PPP2R2B: variants seen among roughly 807,000 people sequenced by gnomAD.
PPP2R2B encodes serine/threonine-protein phosphatase 2A 55 kDa regulatory subunit B beta isoform.
PPP2R2B carries 5 observed loss-of-function variants against 46.0 expected under a neutral mutation model. That is an observed-to-expected ratio of 0.11 (90% CI 0.06 to 0.23). PPP2R2B has a LOEUF of 0.23. PPP2R2B is among the 10% of genes least tolerant of loss of function. The probability of loss-of-function intolerance (pLI) is 1.00; values close to 1 mark genes in which losing one functional copy is unlikely to be tolerated. For synonymous variants in PPP2R2B, 215 were observed against 206.7 expected (o/e 1.04, Z -0.34); for missense variants, 367 against 575.0 (o/e 0.64, Z 3.70).
chr5:146,735,092 C>T (rs1006916296), intron 2 of PPP2R2B, among the ~76,000 whole-genome samples: 15 of 152,226 alleles, frequency 9.9e-5, no homozygotes, highest in South Asian at 4.2e-4. Flanking sequence ...CTAGGAACCG[C>T]GATCTTTTTT....
chr5:146,887,686 C>T (rs889915098), intron 1 of PPP2R2B, among the ~76,000 whole-genome samples: 2 of 152,168 alleles, frequency 1.3e-5, no homozygotes, highest in African/African-American at 4.8e-5. Flanking sequence ...CCTAATAGGT[C>T]AACCATTTAG....
intron 2 of PPP2R2B, among the ~76,000 whole-genome samples, chr5:146,808,852 A>C (rs11748210): frequency 0.57 from 87,247 of 152,056 alleles, 25,558 homozygotes; most frequent in Non-Finnish European, 0.64. Flanking sequence ...GTTTGCAATC[A>C]ACATTTATCT....
chr5:146,687,541 T>C (rs1302749949), intron 5 of PPP2R2B, among the ~76,000 whole-genome samples: 1 of 152,180 alleles, frequency 6.6e-6, no homozygotes, highest in African/African-American at 2.4e-5. Context: ...GCCCTCCTCA[T>C]TGGCTATTCT....
intron 1 of PPP2R2B, among the ~76,000 whole-genome samples, chr5:146,984,298 T>C (rs1753320716): frequency 6.6e-6 from 1 of 152,192 alleles, no homozygotes; most frequent in African/African-American, 2.4e-5. Flanking sequence ...TCTGCTTCTA[T>C]GGGTTTGATC....
chr5:147,012,772 A>G (rs1754804838), intron 1 of PPP2R2B, among the ~76,000 whole-genome samples: 1 of 151,650 alleles, frequency 6.6e-6, no homozygotes, highest in Non-Finnish European at 1.5e-5. Flanking sequence ...AGATTCTGGT[A>G]TGTTGTGTCT....
intron 8 of PPP2R2B, among the ~76,000 whole-genome samples, 200 bp downstream of exon 8, chr5:146,600,091 C>T (rs2151016351): frequency 6.6e-6 from 1 of 152,322 alleles, no homozygotes; most frequent in African/African-American, 2.4e-5. Context: ...CTGTCCATAT[C>T]AATTAAATTG....
At chr5:146,954,030 G>A (rs1373360114) in intron 1 of PPP2R2B, among the ~76,000 whole-genome samples, 1 of 152,078 alleles carries the variant, frequency 6.6e-6, no homozygotes, top group Non-Finnish European at 1.5e-5. Context: ...GACTTGGGGG[G>A]CAGGTGTGCA....
chr5:146,739,450 A>G (rs942863075), intron 2 of PPP2R2B, among the ~76,000 whole-genome samples: 1 of 152,186 alleles, frequency 6.6e-6, no homozygotes, highest in Non-Finnish European at 1.5e-5. Context: ...AAAGAATGCC[A>G]GGGGTGGGGG....
intron 2 of PPP2R2B, among the ~76,000 whole-genome samples, chr5:146,756,302 C>T (rs187661274): frequency 1.3e-5 from 2 of 152,268 alleles, no homozygotes; most frequent in Admixed American, 6.5e-5. Context: ...ATTATCCTTT[C>T]TGATGAGGGG....
chr5:146,988,169 G>A (rs1753520097), intron 1 of PPP2R2B, among the ~76,000 whole-genome samples: 1 of 151,860 alleles, frequency 6.6e-6, no homozygotes, highest in South Asian at 2.1e-4. Context: ...TACAATAATA[G>A]TAGGAGAGTT....
chr5:146,608,645 A>G (rs1772539214), intron 7 of PPP2R2B, among the ~76,000 whole-genome samples: 1 of 152,152 alleles, frequency 6.6e-6, no homozygotes, highest in East Asian at 1.9e-4. Context: ...AAATACAAAA[A>G]TTAGCTGGGC....
At chr5:146,804,465 C>T (rs1261459724) in intron 2 of PPP2R2B, among the ~76,000 whole-genome samples, 2 of 152,140 alleles carry the variant, frequency 1.3e-5, no homozygotes, top group Non-Finnish European at 2.9e-5. Flanking sequence ...CCTCCATCCC[C>T]TCTAACCCTG....
At chr5:146,860,587 C>G (rs1353565206) in intron 2 of PPP2R2B, among the ~76,000 whole-genome samples, 1 of 152,212 alleles carries the variant, frequency 6.6e-6, no homozygotes, top group East Asian at 1.9e-4. Context: ...ATGCAGACCT[C>G]TCCAGTAGGT....
At chr5:146,746,971 A>G (rs1753231927) in intron 2 of PPP2R2B, among the ~76,000 whole-genome samples, 2 of 152,134 alleles carry the variant, frequency 1.3e-5, no homozygotes, top group East Asian at 1.9e-4. Flanking sequence ...TTTCTATAAC[A>G]TCGTGCTGCA....
chr5:147,074,147 T>A (rs1223987986), intron 2 of PPP2R2B, among the ~76,000 whole-genome samples: 1 of 152,168 alleles, frequency 6.6e-6, no homozygotes, highest in African/African-American at 2.4e-5. Context: ...GTAATATACA[T>A]TTTAACACCA....
chr5:146,740,934 G>C (rs1422656008), intron 2 of PPP2R2B, among the ~76,000 whole-genome samples: 1 of 151,820 alleles, frequency 6.6e-6, no homozygotes, highest in Non-Finnish European at 1.5e-5. Context: ...CTACTCAGGA[G>C]ACTGAGGCAG....
rs372507515 is a variant in PPP2R2B at position 146,951,340 on chromosome 5, C to T, written c.79+104325G>A. Among the ~76,000 whole-genome samples the T allele has an allele frequency of 4.6e-5, 7 of 151,620 alleles. No individual in the cohort carries two copies. In the Admixed American group the frequency reaches 4.6e-4, roughly 10 times the overall value. ...ACATTTCCATTCCCCGTTTAAAGTT[C>T]CTCATGCCTTTTTTTTTTAAAAATT... On this transcript the variant is annotated intron_variant, in intron 1 of 8. Transcript: ENST00000336640.
intron 2 of PPP2R2B, among the ~76,000 whole-genome samples, chr5:146,850,424 G>C (rs1289191112): frequency 1.3e-5 from 2 of 152,082 alleles, no homozygotes; most frequent in Non-Finnish European, 2.9e-5. Flanking sequence ...AAGCAAAAAT[G>C]GCTCATATAT....
rs551839151 is a variant in PPP2R2B at position 147,008,745 on chromosome 5, G to A, written c.79+46920C>T. ...TTAAGGCACACCTCAGATGTTTGAG[G>A]GTTTCTATTCCCACACATCATCTTT... On this transcript the variant is annotated intron_variant, in intron 1 of 8. Transcript: ENST00000336640. 2.0e-5 allele frequency among the ~76,000 whole-genome samples: 3 copies of A among 152,186 alleles called. No individual in the cohort carries two copies. In the South Asian group the frequency reaches 6.2e-4, roughly 32 times the overall value.
Sources: allele counts gnomAD v4.1 joint callset (sites outside exome capture counted in the v4.1 genomes callset), GRCh38; gene constraint gnomAD v4.1.1; transcripts MANE v1.5; gene names NCBI Gene and HGNC (gene_info 2026-07-23, HGNC 2026-07-21).